AMOTL2: variants seen among roughly 807,000 people sequenced by gnomAD.
The protein encoded by AMOTL2 is angiomotin-like protein 2.
AMOTL2 carries 33 observed loss-of-function variants against 78.4 expected under a neutral mutation model. The ratio of observed to expected loss-of-function variants is 0.42; its 90% CI spans 0.32 to 0.56. AMOTL2 has a LOEUF of 0.56. Among genes scored for constraint, AMOTL2 ranks in the 20% least tolerant of loss-of-function variants. The probability of loss-of-function intolerance (pLI) is 0.12; values close to 1 mark genes in which losing one functional copy is unlikely to be tolerated. For synonymous variants in AMOTL2, 422 were observed against 428.8 expected (o/e 0.98, Z 0.20); for missense variants, 983 against 1,030.1 (o/e 0.95, Z 0.63).
In AMOTL2 at chr3:134,374,096, C is replaced by T. The variant is rs962014190; in HGVS notation, c.-62+246G>A. 1.9e-5 allele frequency: 9 copies of T among 461,798 alleles called. No homozygotes were observed. The East Asian group carries it at 6.2e-4, about 32-fold the overall frequency. 28.6% of individuals were successfully genotyped at this position (461,798 alleles called of 1,614,324 possible). On this transcript the variant is annotated intron_variant, in intron 1 of 9. Transcript: ENST00000249883. ...TCCGGAGTCGGCCCTCTCCCCTCTC[C>T]CCCAGCCCCAAGAGACCCGCGCGTT...
intron 5 of AMOTL2, 60 bp downstream of exon 5, chr3:134,365,757 G>T (rs111882929): frequency 1.4e-6 from 2 of 1,467,282 alleles, no homozygotes; most frequent in Non-Finnish European, 1.9e-6. Flanking sequence ...AGTCCAGAGG[G>T]TGTGCAGCAG....
At chr3:134,374,925 G>GTA, upstream of AMOTL2, 1 of 714,880 alleles carries the variant, frequency 1.4e-6, no homozygotes. Flanking sequence ...GTGTGTGTGT[G>GTA]TGCGTGTGTG....
At chr3:134,364,265 G>C (rs1246075111) in intron 5 of AMOTL2, among the ~76,000 whole-genome samples, 1 of 152,048 alleles carries the variant, frequency 6.6e-6, no homozygotes, top group Non-Finnish European at 1.5e-5. Flanking sequence ...AGGCATCCAG[G>C]TCACCCGCGG....
intron 1 of AMOTL2, among the ~76,000 whole-genome samples, chr3:134,372,082 T>C (rs2017888475): frequency 6.6e-6 from 1 of 152,170 alleles, no homozygotes; most frequent in South Asian, 2.1e-4. Flanking sequence ...GACTGAGGCA[T>C]GCCAGAGTCC....
rs112676029 is a variant in AMOTL2 at position 134,367,358 on chromosome 3, G to A, written c.1041+139C>T. On this transcript the variant is annotated intron_variant, in intron 3 of 9. Coordinates refer to ENST00000249883, the MANE Select transcript of AMOTL2 (RefSeq NM_016201.4). ...AGGAGGGTGCATGAGGAGTGAGGGA[G>A]GTGGAAGACAGAGGGATAGGGAGAA... is the stretch of plus-strand genomic sequence containing the variant. 3.0e-3 allele frequency: 2,970 copies of A among 998,424 alleles called. 58 individuals are homozygous for A. In the African/African-American group the frequency reaches 0.042, roughly 14 times the overall value. The allele number at this position is 998,424 out of a possible 1,614,324, so 61.8% of individuals were successfully genotyped here.
chr3:134,374,542 A>C (rs1045052066), upstream of AMOTL2: 3 of 985,348 alleles, frequency 3.0e-6, no homozygotes, highest in East Asian at 1.1e-4. Flanking sequence ...CCCCCTCGGG[A>C]TCAAAGCGAA....
rs1207953549 is a variant in AMOTL2 at position 134,370,806 on chromosome 3, G to A, written c.628C>T (p.Pro210Ser). 7 of 1,562,712 alleles carry A rather than the reference G, an allele frequency of 4.5e-6. No individual in the cohort carries two copies. The highest frequency in any genetic ancestry group is 1.4e-5 in the African/African-American group (1 of 73,280). The change falls in exon 2 of 10, where the codon CCA (proline) becomes TCA (serine). Residue 210 changes from proline (P) to serine (S), a missense_variant. Pro to Ser is a moderately conservative substitution (Grantham distance 74). Transcript: ENST00000249883. ...PAEGPESRGP[P>S]PQYPHVVLAH... ...AGTACAACATGAGGGTACTGAGGTGGGGGTCCTCGGGACTCTGGGCCCTCA... is the reference window on the plus strand; with the variant it reads ...AGTACAACATGAGGGTACTGAGGTGAGGGTCCTCGGGACTCTGGGCCCTCA...
intron 3 of AMOTL2, 94 bp from the exon 4 acceptor site, chr3:134,366,521 G>A (rs1053909934): frequency 1.5e-6 from 2 of 1,377,472 alleles, no homozygotes; most frequent in Non-Finnish European, 1.9e-6. Context: ...AAAGGTGACA[G>A]ATGAGAGGCC....
At position 134,360,306 on chromosome 3, in the gene AMOTL2, C is replaced by T. The variant is rs756549466; in HGVS notation, c.1683G>A (p.Ala561=). ...QLREKEEQIL[A]LEADMTKWEQ... Reference sequence around the variant, plus strand: ...CCCACTTGGTCATGTCGGCCTCCAGCGCCAGGATCTGCTCCTCCTTCTCTC... The same window carrying T: ...CCCACTTGGTCATGTCGGCCTCCAGTGCCAGGATCTGCTCCTCCTTCTCTC... The change falls in exon 7 of 10, where the codon GCG becomes GCA. Residue 561 remains alanine, a synonymous_variant. Transcript: ENST00000249883. 1.1e-4 allele frequency: 170 copies of T among 1,614,128 alleles called. No homozygotes were observed. Among genetic ancestry groups the T allele is most frequent in the East Asian group, 1.8e-4 (8 of 44,900 alleles).
At chr3:134,362,173 A>C (rs1164867361) in intron 5 of AMOTL2, among the ~76,000 whole-genome samples, 1 of 152,232 alleles carries the variant, frequency 6.6e-6, no homozygotes, top group Non-Finnish European at 1.5e-5. Flanking sequence ...CTGTTGAGGT[A>C]GGAACTGTGA....
intron 7 of AMOTL2, 96 bp from the exon 8 acceptor site, chr3:134,359,599 C>CT: frequency 9.9e-7 from 1 of 1,007,142 alleles, no homozygotes. Flanking sequence ...AAGCCCCCCC[C>CT]AACTCCCCCA....
At chr3:134,361,938 A>G in intron 5 of AMOTL2, 131 bp from the exon 6 acceptor site, 1 of 797,870 alleles carries the variant, frequency 1.3e-6, no homozygotes, top group African/African-American at 1.7e-5. Context: ...GGAATAAGGT[A>G]CCACTATTAA....
intron 1 of AMOTL2, chr3:134,373,387 G>A (rs2017952771): frequency 2.3e-6 from 2 of 859,036 alleles, no homozygotes; most frequent in Non-Finnish European, 2.8e-6. Flanking sequence ...CCCGGACTGG[G>A]AGCAAGGAAC....
At chr3:134,361,089 G>A (rs900451042) in intron 6 of AMOTL2, among the ~76,000 whole-genome samples, 4 of 152,106 alleles carry the variant, frequency 2.6e-5, no homozygotes, top group East Asian at 1.9e-4. Flanking sequence ...CAAGAGAATG[G>A]CTTGAACCTG....
intron 5 of AMOTL2, among the ~76,000 whole-genome samples, chr3:134,362,694 G>C (rs2017425593): frequency 6.6e-6 from 1 of 152,226 alleles, no homozygotes; most frequent in African/African-American, 2.4e-5. Context: ...ATTGCCCAAA[G>C]AAACTGCTCA....
chr3:134,359,260 T>G (rs759342034), intron 8 of AMOTL2, 23 bp downstream of exon 8: 35 of 1,611,732 alleles, frequency 2.2e-5, no homozygotes, highest in South Asian at 7.7e-5. Context: ...TCTCAATCTA[T>G]CCCAGCAGTA....
chr3:134,365,676 T>TG (rs1165176499), intron 5 of AMOTL2, 141 bp downstream of exon 5: 7 of 682,448 alleles, frequency 1.0e-5, no homozygotes, highest in African/African-American at 1.8e-5. Flanking sequence ...TCCAGTCTAG[T>TG]GTTGGGCATA....
At chr3:134,367,983 C>CTCT in intron 2 of AMOTL2, 180 bp from the exon 3 acceptor site, 1 of 550,142 alleles carries the variant, frequency 1.8e-6, no homozygotes. Context: ...AGGCAGGGAC[C>CTCT]AGTAGGGAAG....
chr3:134,358,739 G>A lies in AMOTL2; in HGVS notation c.2105-20C>T, dbSNP rs1171773248. ...TGTCTGCTGGAAAGGTAGGTGGATG[G>A]TTATTGCCATGCCTGTAAGATGTGG... On this transcript the variant is annotated intron_variant, in intron 8 of 9. Coordinates refer to ENST00000249883, the MANE Select transcript of AMOTL2 (RefSeq NM_016201.4). 1 of 1,613,746 alleles carries A rather than the reference G, an allele frequency of 6.2e-7. No homozygotes were observed. The highest frequency in any genetic ancestry group is 8.5e-7 in the Non-Finnish European group (1 of 1,179,924).
Sources: allele counts gnomAD v4.1 joint callset (sites outside exome capture counted in the v4.1 genomes callset), GRCh38; gene constraint gnomAD v4.1.1; transcripts MANE v1.5; gene names NCBI Gene and HGNC (gene_info 2026-07-23, HGNC 2026-07-21).